The following VPS26A variants were observed in gnomAD, a reference collection of about 807,000 sequenced individuals.
VPS26A encodes the protein vacuolar protein sorting-associated protein 26A.
VPS26A carries 22 observed loss-of-function variants against 42.4 expected under a neutral mutation model. The ratio of observed to expected loss-of-function variants is 0.52; its 90% CI spans 0.37 to 0.74. The LOEUF (loss-of-function observed/expected upper bound fraction) is 0.74. Ranked by LOEUF, VPS26A falls within the 30% of genes least tolerant of loss-of-function variation. The pLI, the probability that VPS26A is intolerant of heterozygous loss-of-function variation, is 0.00. For missense variants in VPS26A, 276 were observed against 379.2 expected, an observed-to-expected ratio of 0.73 and a Z score of 2.26; for synonymous variants, 110 against 123.5, an observed-to-expected ratio of 0.89 and a Z score of 0.73.
At chr10:69,146,793 G>A (rs949584903) in intron 2 of VPS26A, among the ~76,000 whole-genome samples, 2 of 152,106 alleles carry the variant, frequency 1.3e-5, no homozygotes, top group South Asian at 2.1e-4. Flanking sequence ...TAATATATCC[G>A]TGTGGTATAA....
At chr10:69,159,582 G>A (rs1387200545) in intron 5 of VPS26A, among the ~76,000 whole-genome samples, 1 of 152,044 alleles carries the variant, frequency 6.6e-6, no homozygotes, top group Non-Finnish European at 1.5e-5. Flanking sequence ...TATCTGTAAA[G>A]GATGAAATTA....
Position 69,172,779 on chromosome 10 carries a change from CAA to C in VPS26A, c.*1512_*1513del, listed in dbSNP as rs1176910062. The C allele has an allele frequency of 1.3e-5, 2 of 152,536 alleles. No homozygotes were observed. Among genetic ancestry groups the C allele is most frequent in the East Asian group, 1.9e-4 (1 of 5,198 alleles). The allele number at this position is 152,536 out of a possible 1,614,324, so 9.4% of individuals were successfully genotyped here. Reference sequence around the variant, plus strand: ...TGCATGTAGTAAGCCAGAAAATATTCAAAGAGATTTTGAAAACCAATTGTATT... The same window carrying C: ...TGCATGTAGTAAGCCAGAAAATATTCAGAGATTTTGAAAACCAATTGTATT... On this transcript the variant is annotated 3_prime_UTR_variant, in exon 9 of 9. Transcript: ENST00000263559.
intron 8 of VPS26A, among the ~76,000 whole-genome samples, chr10:69,170,836 A>G (rs1178440030): frequency 3.9e-5 from 6 of 152,196 alleles, no homozygotes; most frequent in Non-Finnish European, 7.3e-5. Flanking sequence ...TTTAATATCT[A>G]AGTGACAAGA....
At chr10:69,151,282 A>AAAACAAAAAACAAAAAAAACAC in intron 2 of VPS26A, among the ~76,000 whole-genome samples, 1 of 136,828 alleles carries the variant, frequency 7.3e-6, no homozygotes, top group African/African-American at 3.3e-5. Context: ...AAAAAAAAAA[A>AAAACAAAAAACAAAAAAAACAC]ACACACACAC....
chr10:69,171,109 C>T, intron 8 of VPS26A, 47 bp from the exon 9 acceptor site: 1 of 1,416,282 alleles, frequency 7.1e-7, no homozygotes, highest in Non-Finnish European at 9.9e-7. Flanking sequence ...AGAGATAAGG[C>T]ATCATATCAA....
At chr10:69,164,419 C>T (rs563365502) in intron 6 of VPS26A, among the ~76,000 whole-genome samples, 14 of 152,098 alleles carry the variant, frequency 9.2e-5, no homozygotes, top group African/African-American at 2.2e-4. Context: ...GGTGTCACTA[C>T]GTTGCCCAGG....
At chr10:69,133,612 C>T (rs1030119988) in intron 2 of VPS26A, 2 of 1,289,250 alleles carry the variant, frequency 1.6e-6, no homozygotes, top group Non-Finnish European at 1.0e-6. Flanking sequence ...TATAAGGTTT[C>T]ACTTTTTTCC....
At chr10:69,154,857 C>G (rs1006704441) in intron 2 of VPS26A, among the ~76,000 whole-genome samples, 2 of 152,178 alleles carry the variant, frequency 1.3e-5, no homozygotes, top group African/African-American at 4.8e-5. Flanking sequence ...GAGTGAGACT[C>G]TGTCTCTTAA....
At position 69,173,727 on chromosome 10, in the gene VPS26A, C is replaced by T. The variant is rs1841869131; in HGVS notation, c.*2458C>T. 1.3e-5 allele frequency among the ~76,000 whole-genome samples: 2 copies of T among 152,178 alleles called. No individual in the cohort carries two copies. The highest frequency in any genetic ancestry group is 4.1e-4 in the South Asian group (2 of 4,832). On this transcript the variant is annotated 3_prime_UTR_variant, in exon 9 of 9. Transcript: ENST00000263559. The stretch of plus-strand genomic sequence containing the variant: ...GAAAACGCACCAATCAGGCTGGGCA[C>T]AGTGGCTCACGCCTGTAATCCCAGC...
chr10:69,129,668 T>G (rs760457097), intron 1 of VPS26A, among the ~76,000 whole-genome samples: 2 of 151,954 alleles, frequency 1.3e-5, no homozygotes, highest in Non-Finnish European at 2.9e-5. Context: ...CTGCCTCAGG[T>G]GCATACCACT....
At position 69,140,037 on chromosome 10, in the gene VPS26A, G is replaced by C. The variant is rs549922216; in HGVS notation, c.153+6990G>C. 1.4e-3 allele frequency among the ~76,000 whole-genome samples: 208 copies of C among 149,184 alleles called. 1 individual carries two copies. The highest frequency in any genetic ancestry group is 1.3e-3 in the Non-Finnish European group (85 of 67,378). On this transcript the variant is annotated intron_variant, in intron 2 of 8. Coordinates refer to ENST00000263559, the MANE Select transcript of VPS26A (RefSeq NM_004896.5). ...TGGGATTTGACCTTGATATATTTAT[G>C]TTGCTAATTTTTATGTGAAATTAGT...
At chr10:69,143,170 C>T (rs1180132070) in intron 2 of VPS26A, among the ~76,000 whole-genome samples, 3 of 152,158 alleles carry the variant, frequency 2.0e-5, no homozygotes, top group Non-Finnish European at 2.9e-5. Context: ...CTTGCCACAC[C>T]AATCTAGGGT....
intron 2 of VPS26A, among the ~76,000 whole-genome samples, chr10:69,137,043 G>T (rs1168933759): frequency 6.6e-6 from 1 of 152,138 alleles, no homozygotes; most frequent in Non-Finnish European, 1.5e-5. Context: ...GCCCGCCTCA[G>T]CCTCCCAAAG....
intron 2 of VPS26A, among the ~76,000 whole-genome samples, chr10:69,141,094 A>G (rs907517142): frequency 1.3e-5 from 2 of 152,194 alleles, no homozygotes; most frequent in African/African-American, 4.8e-5. Flanking sequence ...GGGAGATTCA[A>G]AGACTATGTT....
chr10:69,128,317 T>C (rs1840705064), intron 1 of VPS26A, among the ~76,000 whole-genome samples: 1 of 151,112 alleles, frequency 6.6e-6, no homozygotes, highest in Non-Finnish European at 1.5e-5. Flanking sequence ...CTGCAACTTC[T>C]GCCTCCTGGG....
chr10:69,124,195 C>G lies in VPS26A; in HGVS notation c.-83C>G, dbSNP rs1840590015. ...GGCGGCCCGAGGTCACGTGACGGAG[C>G]GCCGGAGCGGAGGGAGCCGGGGCTG... On this transcript the variant is annotated 5_prime_UTR_variant, in exon 1 of 9. Transcript: ENST00000263559. The G allele has an allele frequency of 3.2e-6, 4 of 1,254,328 alleles. No individual in the cohort carries two copies. Among genetic ancestry groups the G allele is most frequent in the South Asian group, 4.0e-5 (1 of 25,122 alleles). 77.7% of individuals were successfully genotyped at this position (1,254,328 alleles called of 1,614,324 possible). A position where few individuals can be genotyped will look rare whatever the true frequency, so the allele number is the denominator to read the frequency against.
chr10:69,167,857 C>T (rs980953175), intron 7 of VPS26A, among the ~76,000 whole-genome samples: 3 of 151,780 alleles, frequency 2.0e-5, no homozygotes, highest in Non-Finnish European at 2.9e-5. Flanking sequence ...TCATTCTGTC[C>T]GTTTTTAGCT....
intron 2 of VPS26A, among the ~76,000 whole-genome samples, chr10:69,152,222 A>G (rs1016737032): frequency 1.3e-5 from 2 of 152,196 alleles, no homozygotes; most frequent in Non-Finnish European, 2.9e-5. Flanking sequence ...AAAACAAAAC[A>G]AAAACTTAAA....
chr10:69,159,392 CA>C (rs538060834), intron 5 of VPS26A, among the ~76,000 whole-genome samples: 6 of 139,900 alleles, frequency 4.3e-5, no homozygotes, highest in African/African-American at 7.9e-5. Context: ...AAAAAAAAAA[CA>C]AAAAAAAAAG....
Sources: gnomAD v4.1 joint callset for allele counts (sites outside exome capture counted in the v4.1 genomes callset) on GRCh38, gnomAD v4.1.1 for gene constraint, MANE v1.5 for transcripts, NCBI Gene and HGNC (gene_info 2026-07-23, HGNC 2026-07-21) for gene names.